MPPED1: variants seen among roughly 807,000 people sequenced by gnomAD.
The protein encoded by MPPED1 is metallophosphoesterase domain containing 1, also known as metallophosphoesterase domain-containing protein 1.
In MPPED1, 16 loss-of-function variants were observed where a neutral mutation model predicts 36.2. The observed-to-expected ratio is 0.44, with a 90% CI of 0.30 to 0.67. The LOEUF is 0.67. MPPED1 is among the 30% of genes least tolerant of loss of function. MPPED1 has a pLI of 0.10. For synonymous variants in MPPED1, 199 were observed against 191.3 expected, an observed-to-expected ratio of 1.04 and a Z score of -0.33; for missense variants, 307 against 453.4, an observed-to-expected ratio of 0.68 and a Z score of 2.93.
chr22:43,466,747 T>A (rs1473058196), intron 3 of MPPED1, among the ~76,000 whole-genome samples: 1 of 152,150 alleles, frequency 6.6e-6, no homozygotes, highest in Non-Finnish European at 1.5e-5. Flanking sequence ...AGCCCTCATG[T>A]CCTAGAACCT....
chr22:43,448,737 G>A (rs997040589), intron 3 of MPPED1, among the ~76,000 whole-genome samples: 2 of 151,926 alleles, frequency 1.3e-5, no homozygotes, highest in Non-Finnish European at 2.9e-5. Flanking sequence ...TGAGTAGCTG[G>A]GATTACAGGC....
Position 43,414,519 on chromosome 22 carries a change from G to T in MPPED1, c.-79+2361G>T, listed in dbSNP as rs948337624. On this transcript the variant is annotated intron_variant, in intron 1 of 6. Coordinates refer to ENST00000443721, the MANE Select transcript of MPPED1 (RefSeq NM_001044370.2). Reference sequence around the variant, plus strand: ...TTTCCCAATTTCAGGCCTGTGAACTGATCATGAATACCGGGGGCAGAGGAA... The same window carrying T: ...TTTCCCAATTTCAGGCCTGTGAACTTATCATGAATACCGGGGGCAGAGGAA... 4.6e-5 allele frequency among the ~76,000 whole-genome samples: 7 copies of T among 152,296 alleles called. No individual in the cohort carries two copies. The South Asian group carries it at 8.3e-4, about 18-fold the overall frequency.
chr22:43,463,073 CT>C lies in MPPED1; in HGVS notation c.407-11654del, dbSNP rs556287078. ...CCCTAGAGTTTGGAAGGCATTTTTC[CT>C]TTTTTTTTCAGTGTCACTGTTGAAA... On this transcript the variant is annotated intron_variant, in intron 3 of 6. Coordinates refer to ENST00000443721, the MANE Select transcript of MPPED1 (RefSeq NM_001044370.2). Among the ~76,000 whole-genome samples, 66 of 151,024 alleles carry C rather than the reference CT, an allele frequency of 4.4e-4. 2 individuals are homozygous for C. The South Asian group carries it at 0.013, about 30-fold the overall frequency.
intron 2 of MPPED1, among the ~76,000 whole-genome samples, chr22:43,429,023 G>T (rs1412085521): frequency 6.6e-6 from 1 of 152,184 alleles, no homozygotes; most frequent in South Asian, 2.1e-4. Flanking sequence ...TTATGGCAGA[G>T]ACTTGAGTCA....
intron 4 of MPPED1, among the ~76,000 whole-genome samples, chr22:43,480,234 G>T (rs1431323429): frequency 1.3e-5 from 2 of 152,174 alleles, no homozygotes; most frequent in African/African-American, 2.4e-5. Context: ...GATCAAGCCT[G>T]CCTCCCAGGA....
chr22:43,455,270 C>T (rs529027902), intron 3 of MPPED1, among the ~76,000 whole-genome samples: 1 of 151,894 alleles, frequency 6.6e-6, no homozygotes, highest in East Asian at 1.9e-4. Flanking sequence ...CTACCGTGCC[C>T]AGCTAATATT....
intron 2 of MPPED1, among the ~76,000 whole-genome samples, chr22:43,432,534 GGGAGGAGAGAA>G (rs1929750876): frequency 8.2e-6 from 1 of 121,308 alleles, no homozygotes; most frequent in Non-Finnish European, 1.7e-5. Context: ...GAGAGATAAA[GGGAGGAGAGAA>G]AGAAAGGGAG....
intron 4 of MPPED1, among the ~76,000 whole-genome samples, chr22:43,491,406 A>C (rs1262841462): frequency 6.8e-6 from 1 of 147,416 alleles, no homozygotes; most frequent in African/African-American, 2.5e-5. Context: ...GGTGGTGATG[A>C]TGGTGGAGGT....
intron 3 of MPPED1, among the ~76,000 whole-genome samples, chr22:43,440,459 C>T (rs1186936115): frequency 2.0e-5 from 3 of 152,120 alleles, no homozygotes; most frequent in Non-Finnish European, 4.4e-5. Flanking sequence ...CACCCTCCTC[C>T]CAGGATGCCC....
rs1569091633 is a variant in MPPED1 at position 43,500,169 on chromosome 22, ATGG to A, written c.748+1820_748+1822del. On this transcript the variant is annotated intron_variant, in intron 5 of 6. Coordinates refer to ENST00000443721, the MANE Select transcript of MPPED1 (RefSeq NM_001044370.2). ...GGTGGGGGTGGTGGTGGTGATGGTG[ATGG>A]AGGTGGTGGTGATGGTGATGGAGGT... Among the ~76,000 whole-genome samples the A allele has an allele frequency of 1.6e-3, 30 of 18,390 alleles. 11 individuals carry two copies. The highest frequency in any genetic ancestry group is 0.012 in the African/African-American group (29 of 2,488). The allele number at this position is 18,390 out of a possible 152,430, so 12.1% of individuals were successfully genotyped here. A position where few individuals can be genotyped will look rare whatever the true frequency, so the allele number is the denominator to read the frequency against.
chr22:43,441,512 G>A (rs758429532), intron 3 of MPPED1, among the ~76,000 whole-genome samples: 1 of 152,136 alleles, frequency 6.6e-6, no homozygotes, highest in Non-Finnish European at 1.5e-5. Context: ...GGTGCCCAGG[G>A]GTGTTTGTTG....
chr22:43,442,812 C>T (rs1395397786), intron 3 of MPPED1, among the ~76,000 whole-genome samples: 3 of 152,204 alleles, frequency 2.0e-5, no homozygotes, highest in Admixed American at 2.0e-4. Flanking sequence ...GAACTCAGCC[C>T]CTCCTGGCAC....
intron 3 of MPPED1, among the ~76,000 whole-genome samples, chr22:43,468,578 G>A (rs1438862984): frequency 1.3e-5 from 2 of 152,174 alleles, no homozygotes; most frequent in Non-Finnish European, 2.9e-5. Context: ...GTCTCGCTAT[G>A]TAACCTTGGA....
chr22:43,457,079 T>C (rs1231222154), intron 3 of MPPED1, among the ~76,000 whole-genome samples: 1 of 152,206 alleles, frequency 6.6e-6, no homozygotes, highest in Non-Finnish European at 1.5e-5. Context: ...TGGTTTTCTT[T>C]TCTTGTGATA....
At chr22:43,413,932 C>G (rs913852806) in intron 1 of MPPED1, among the ~76,000 whole-genome samples, 1 of 152,162 alleles carries the variant, frequency 6.6e-6, no homozygotes, top group African/African-American at 2.4e-5. Context: ...TGAATGAGGT[C>G]CCTGTACTGG....
chr22:43,459,157 C>A (rs1039426201), intron 3 of MPPED1, among the ~76,000 whole-genome samples: 1 of 152,168 alleles, frequency 6.6e-6, no homozygotes, highest in African/African-American at 2.4e-5. Flanking sequence ...TTATTGCAAC[C>A]TCTGCCTCCC....
In MPPED1 at chr22:43,435,046, G is replaced by A; in HGVS notation, c.237G>A (p.Val79=). The A allele has an allele frequency of 6.2e-7, 1 of 1,613,646 alleles. No homozygotes were observed. The highest frequency in any genetic ancestry group is 1.1e-5 in the South Asian group (1 of 91,084). ...QPPHVQMVDP[V]PHDAPKPPGY... is the part of the protein sequence containing the mutation. Reference sequence around the variant, plus strand: ...TCTCTCCCTGCAGGGTGGACCCGGTGCCTCACGATGCCCCCAAACCTCCAG... The same window carrying A: ...TCTCTCCCTGCAGGGTGGACCCGGTACCTCACGATGCCCCCAAACCTCCAG... Residue 79 remains valine (V), a synonymous_variant, in exon 3 of 7, where the codon GTG becomes GTA. Coordinates refer to ENST00000443721, the MANE Select transcript of MPPED1 (RefSeq NM_001044370.2).
chr22:43,488,125 G>T (rs1377563917), intron 4 of MPPED1, among the ~76,000 whole-genome samples: 1 of 152,114 alleles, frequency 6.6e-6, no homozygotes, highest in Non-Finnish European at 1.5e-5. Context: ...GCTGTTCCTG[G>T]AGAGGCCGTG....
intron 3 of MPPED1, among the ~76,000 whole-genome samples, chr22:43,469,428 T>G (rs944025044): frequency 3.4e-5 from 1 of 29,412 alleles, no homozygotes; most frequent in African/African-American, 1.1e-4. Context: ...CAAGCGAGCC[T>G]CTAATGATTG....
Sources: gnomAD v4.1 joint callset for allele counts (sites outside exome capture counted in the v4.1 genomes callset) on GRCh38, gnomAD v4.1.1 for gene constraint, MANE v1.5 for transcripts, NCBI Gene and HGNC (gene_info 2026-07-23, HGNC 2026-07-21) for gene names.